CYTH1: variants seen among roughly 807,000 people sequenced by gnomAD.
CYTH1 encodes the protein cytohesin 1.
CYTH1 carries 18 observed loss-of-function variants against 61.8 expected under a neutral mutation model. The observed-to-expected ratio is 0.29, with a 90% CI of 0.20 to 0.43. The LOEUF is 0.43. CYTH1 is among the 20% of genes least tolerant of loss of function. CYTH1 has a pLI of 1.00. For synonymous variants in CYTH1, 174 were observed against 184.3 expected (o/e 0.94, Z 0.45); for missense variants, 336 against 510.5 (o/e 0.66, Z 3.29).
intron 1 of CYTH1, among the ~76,000 whole-genome samples, chr17:78,777,127 C>CAA (rs756083436): frequency 1.1e-5 from 1 of 89,798 alleles, no homozygotes. Flanking sequence ...CTCTGTCTCA[C>CAA]AAAAAAAAAA....
chr17:78,735,504 C>T lies in CYTH1; in HGVS notation c.23-25772G>A, dbSNP rs374148347. Among the ~76,000 whole-genome samples, 21 of 152,326 alleles carry T rather than the reference C, an allele frequency of 1.4e-4. 4 individuals are homozygous for T. Among genetic ancestry groups the T allele is most frequent in the African/African-American group, 2.2e-4 (9 of 41,558 alleles). ...CAGGCAGTTCAGCCCTGGCCTGGCA[C>T]GTCCCCTCACTACTGACCCCTCTTC... On this transcript the variant is annotated intron_variant, in intron 1 of 13. Transcript: ENST00000446868.
At chr17:78,763,117 G>A (rs2093435116) in intron 1 of CYTH1, among the ~76,000 whole-genome samples, 1 of 152,102 alleles carries the variant, frequency 6.6e-6, no homozygotes, top group African/African-American at 2.4e-5. Flanking sequence ...GAAGAGGTAT[G>A]TGGATCACCT....
At chr17:78,745,214 T>A (rs936712998) in intron 1 of CYTH1, among the ~76,000 whole-genome samples, 1 of 152,146 alleles carries the variant, frequency 6.6e-6, no homozygotes, top group East Asian at 1.9e-4. Context: ...GTTCAAGTAA[T>A]TGCTACTTTC....
At chr17:78,765,124 G>C (rs1044066227) in intron 1 of CYTH1, among the ~76,000 whole-genome samples, 5 of 152,280 alleles carry the variant, frequency 3.3e-5, no homozygotes, top group Admixed American at 1.3e-4. Context: ...TGTGTACCAA[G>C]CACCGCAAGG....
intron 1 of CYTH1, chr17:78,727,814 A>G (rs2144577916): frequency 9.1e-6 from 4 of 441,186 alleles, no homozygotes; most frequent in South Asian, 6.5e-5. Context: ...TCTCCTGCCC[A>G]TGCAGGGGGC....
chr17:78,722,501 G>A (rs1005227890), intron 1 of CYTH1, among the ~76,000 whole-genome samples: 5 of 152,152 alleles, frequency 3.3e-5, no homozygotes, highest in African/African-American at 1.2e-4. Flanking sequence ...TCCCAAGGGG[G>A]CAGGCTCCTG....
At chr17:78,741,151 T>G (rs1198814202) in intron 1 of CYTH1, among the ~76,000 whole-genome samples, 2 of 152,242 alleles carry the variant, frequency 1.3e-5, no homozygotes, top group Non-Finnish European at 2.9e-5. Context: ...TTTTATATTT[T>G]TAATTAATAA....
intron 1 of CYTH1, among the ~76,000 whole-genome samples, chr17:78,767,089 G>C (rs2093451763): frequency 6.6e-6 from 1 of 152,184 alleles, no homozygotes; most frequent in Admixed American, 6.5e-5. Flanking sequence ...CTGCTAGTGT[G>C]GGAACAGCTA....
At chr17:78,729,243 G>C (rs1456115787) in intron 1 of CYTH1, among the ~76,000 whole-genome samples, 3 of 152,082 alleles carry the variant, frequency 2.0e-5, no homozygotes, top group Non-Finnish European at 4.4e-5. Flanking sequence ...GAATAGCTGG[G>C]ACTATAAGTA....
chr17:78,685,203 C>CAAAA (rs58642161), intron 11 of CYTH1, among the ~76,000 whole-genome samples: 6 of 60,390 alleles, frequency 9.9e-5, no homozygotes, highest in Non-Finnish European at 1.3e-4. Flanking sequence ...GACTCTGTCT[C>CAAAA]AAAAAAAAAA....
At chr17:78,777,390 C>T (rs2093496865) in intron 1 of CYTH1, among the ~76,000 whole-genome samples, 1 of 151,960 alleles carries the variant, frequency 6.6e-6, no homozygotes, top group Non-Finnish European at 1.5e-5. Flanking sequence ...TGCACTCTAG[C>T]CTGGGCAACA....
In CYTH1 at chr17:78,742,025, A is replaced by G. The variant is rs151155351; in HGVS notation, c.23-32293T>C. 1.7e-3 allele frequency among the ~76,000 whole-genome samples: 253 copies of G among 152,350 alleles called. 1 individual carries two copies. The highest frequency in any genetic ancestry group is 2.3e-3 in the Non-Finnish European group (157 of 68,034). Reference sequence around the variant, plus strand: ...GGTATGTTTAATGGTTGCATTATGTATATGTTGTAACTTACTTAACCACTT... The same window carrying G: ...GGTATGTTTAATGGTTGCATTATGTGTATGTTGTAACTTACTTAACCACTT... On this transcript the variant is annotated intron_variant, in intron 1 of 13. Transcript: ENST00000446868.
intron 1 of CYTH1, 97 bp downstream of exon 1, chr17:78,782,105 G>A: frequency 9.0e-7 from 1 of 1,106,762 alleles, no homozygotes; most frequent in Non-Finnish European, 1.1e-6. Flanking sequence ...CAGTGTCCCC[G>A]GGAAACGCCA....
At chr17:78,709,837 A>G in intron 1 of CYTH1, 105 bp from the exon 2 acceptor site, 3 of 960,158 alleles carry the variant, frequency 3.1e-6, no homozygotes, top group Non-Finnish European at 4.8e-6. Flanking sequence ...AGAAACTAGA[A>G]GTCAGTTTCA....
chr17:78,706,029 T>G (rs749080194), intron 3 of CYTH1, among the ~76,000 whole-genome samples: 1 of 152,252 alleles, frequency 6.6e-6, no homozygotes, highest in Non-Finnish European at 1.5e-5. Context: ...GATAAGTGTT[T>G]ATGAGAAATT....
At chr17:78,698,682 T>A in intron 8 of CYTH1, 138 bp downstream of exon 8, 1 of 1,110,918 alleles carries the variant, frequency 9.0e-7, no homozygotes, top group Non-Finnish European at 1.2e-6. Flanking sequence ...ACTTTCTTAA[T>A]GAAATTCACA....
intron 1 of CYTH1, among the ~76,000 whole-genome samples, chr17:78,725,533 C>T (rs2093261812): frequency 2.0e-5 from 3 of 152,184 alleles, no homozygotes; most frequent in Non-Finnish European, 4.4e-5. Context: ...TACACATATA[C>T]ACATACACAC....
intron 1 of CYTH1, among the ~76,000 whole-genome samples, chr17:78,760,682 C>A (rs2093425494): frequency 6.7e-6 from 1 of 149,830 alleles, no homozygotes; most frequent in Middle Eastern, 3.5e-3. Context: ...AATCGCATTA[C>A]AACAGAACTT....
chr17:78,700,532 T>TC lies in CYTH1; in HGVS notation c.438-90_438-89insG. 2 of 572,322 alleles carry TC rather than the reference T, an allele frequency of 3.5e-6. No homozygotes were observed. The highest frequency in any genetic ancestry group is 2.6e-6 in the Non-Finnish European group (1 of 391,054). 35.5% of individuals were successfully genotyped at this position (572,322 alleles called of 1,614,324 possible). A position where few individuals can be genotyped will look rare whatever the true frequency, so the allele number is the denominator to read the frequency against. On this transcript the variant is annotated intron_variant, in intron 6 of 13. Coordinates refer to ENST00000446868, the MANE Select transcript of CYTH1 (RefSeq NM_004762.6). The surrounding 1 kb of genome is among the most constrained non-coding windows in gnomAD (Gnocchi z 5.1). The stretch of plus-strand genomic sequence containing the variant: ...TAAACTGCCAATGATTTTTTTTTTC[T>TC]TTTTTTTTTTGAGATGGAGTCTCAC...
Sources: allele counts gnomAD v4.1 joint callset (sites outside exome capture counted in the v4.1 genomes callset), GRCh38; gene constraint gnomAD v4.1.1; non-coding constraint Gnocchi (gnomAD v3.1); transcripts MANE v1.5; gene names NCBI Gene and HGNC (gene_info 2026-07-23, HGNC 2026-07-21).